PTCHD4: variants seen among roughly 807,000 people sequenced by gnomAD.
PTCHD4 encodes the protein patched domain-containing protein 4.
In PTCHD4, 33 loss-of-function variants were observed where a neutral mutation model predicts 58.1. The ratio of observed to expected loss-of-function variants is 0.57; its 90% CI spans 0.43 to 0.76. The LOEUF is 0.76. Ranked by LOEUF, PTCHD4 falls within the 30% of genes least tolerant of loss-of-function variation. The probability of loss-of-function intolerance (pLI) is 0.00; values close to 1 mark genes in which losing one functional copy is unlikely to be tolerated. For synonymous variants in PTCHD4, 478 were observed against 409.6 expected (o/e 1.17, Z -2.02); for missense variants, 1,058 against 1,027.1 (o/e 1.03, Z -0.41).
rs1005165296 is a variant in PTCHD4, at chr6:48,068,639, C to A, written c.8G>T (p.Arg3Leu). MR[R>L]PGAPASWIWW... is the part of the protein sequence containing the mutation. Reference sequence around the variant, plus strand: ...GATCCAGCTCGCAGGCGCTCCCGGCCGTCTTAAAAAGCACATGTGACATGT... The same window carrying A: ...GATCCAGCTCGCAGGCGCTCCCGGCAGTCTTAAAAAGCACATGTGACATGT... Residue 3 changes from arginine to leucine, a missense_variant and splice_region_variant, in exon 3 of 5, where the codon CGG becomes CTG. Physicochemically the swap from Arg to Leu is moderately radical, Grantham distance 102 (BLOSUM62 -2). Coordinates refer to ENST00000339488, the MANE Select transcript of PTCHD4 (RefSeq NM_001384253.1). The surrounding 1 kb of genome is among the most constrained non-coding windows in gnomAD (Gnocchi z 4.2). 5 of 1,546,620 alleles carry A rather than the reference C, an allele frequency of 3.2e-6. No individual in the cohort carries two copies. Among genetic ancestry groups the A allele is most frequent in the South Asian group, 1.2e-5 (1 of 84,800 alleles).
chr6:48,068,620 G>A lies in PTCHD4; in HGVS notation c.27C>T (p.Ser9=). The change falls in exon 3 of 5, where the codon AGC becomes AGT. Residue 9 remains serine, a synonymous_variant. Coordinates refer to ENST00000339488, the MANE Select transcript of PTCHD4 (RefSeq NM_001384253.1). The surrounding 1 kb of genome is among the most constrained non-coding windows in gnomAD (Gnocchi z 4.2). MRRPGAPA[S]WIWWRMLRQV... ...GCCGCAGCATCCTCCACCAGATCCA[G>A]CTCGCAGGCGCTCCCGGCCGTCTTA... 1 of 1,562,732 alleles carries A rather than the reference G, an allele frequency of 6.4e-7. No individual in the cohort carries two copies. The highest frequency in any genetic ancestry group is 8.6e-7 in the Non-Finnish European group (1 of 1,158,954).
rs190777459 is a variant in PTCHD4, at chr6:48,052,437, A to C, written c.417+15793T>G. On this transcript the variant is annotated intron_variant, in intron 3 of 4. Coordinates refer to ENST00000339488, the MANE Select transcript of PTCHD4 (RefSeq NM_001384253.1). ...TTGTTTTAAAGAGAAATGAGAAAAA[A>C]TTTTCTTCTGGAGAGACATTAAATA... Among the ~76,000 whole-genome samples the C allele has an allele frequency of 7.2e-5, 11 of 152,082 alleles. No individual in the cohort carries two copies. In the East Asian group the frequency reaches 1.4e-3, roughly 19 times the overall value.
intron 4 of PTCHD4, among the ~76,000 whole-genome samples, chr6:47,963,274 A>G (rs1308602363): frequency 6.6e-6 from 1 of 152,124 alleles, no homozygotes; most frequent in Non-Finnish European, 1.5e-5. Flanking sequence ...AAACAAAACC[A>G]CCATGAGATA....
chr6:48,043,381 C>T (rs1273310730), intron 3 of PTCHD4, among the ~76,000 whole-genome samples: 1 of 151,752 alleles, frequency 6.6e-6, no homozygotes, highest in African/African-American at 2.4e-5. Flanking sequence ...AATTATTATT[C>T]ACTCCCTATA....
chr6:48,068,164 T>C lies in PTCHD4; in HGVS notation c.417+66A>G. 6.8e-7 allele frequency: 1 copy of C among 1,473,708 alleles called. No individual in the cohort carries two copies. The highest frequency in any genetic ancestry group is 9.1e-7 in the Non-Finnish European group (1 of 1,096,108). The allele number at this position is 1,473,708 out of a possible 1,614,324, so 91.3% of individuals were successfully genotyped here. A position where few individuals can be genotyped will look rare whatever the true frequency, so the allele number is the denominator to read the frequency against. On this transcript the variant is annotated intron_variant, in intron 3 of 4. Transcript: ENST00000339488. The surrounding 1 kb of genome is among the most constrained non-coding windows in gnomAD (Gnocchi z 4.2). ...CTGAAATAATATCATCCAGCACGCA[T>C]TTCTTATCCTGATTTCTCAACACAC...
intron 4 of PTCHD4, among the ~76,000 whole-genome samples, chr6:48,005,958 G>A (rs1165592070): frequency 6.6e-6 from 1 of 152,092 alleles, no homozygotes; most frequent in African/African-American, 2.4e-5. Flanking sequence ...TATTTCACCA[G>A]TTCTCAATCT....
chr6:47,960,530 G>A (rs115996239), intron 4 of PTCHD4, among the ~76,000 whole-genome samples: 1,606 of 152,016 alleles, frequency 0.011, 19 homozygotes, highest in Non-Finnish European at 0.017. Context: ...TCATGCTGAC[G>A]TGAACCAAAA....
At chr6:47,949,801 C>G (rs1766566868) in intron 4 of PTCHD4, among the ~76,000 whole-genome samples, 1 of 152,040 alleles carries the variant, frequency 6.6e-6, no homozygotes, top group African/African-American at 2.4e-5. Context: ...GTCTTTTATA[C>G]AACCCCAGTT....
At chr6:47,963,564 A>T (rs991524828) in intron 4 of PTCHD4, among the ~76,000 whole-genome samples, 1 of 152,224 alleles carries the variant, frequency 6.6e-6, no homozygotes, top group Non-Finnish European at 1.5e-5. Context: ...TTCACAATAG[A>T]CAAGAGTTGA....
chr6:48,004,882 A>C (rs1490490136), intron 4 of PTCHD4, among the ~76,000 whole-genome samples: 1 of 151,964 alleles, frequency 6.6e-6, no homozygotes, highest in Non-Finnish European at 1.5e-5. Context: ...ATGCTACTGA[A>C]CTCCAGCCTG....
chr6:47,879,708 T>C lies in PTCHD4; in HGVS notation c.1127A>G (p.Tyr376Cys), dbSNP rs1459793434. ...GCCAAAGAAGGAGAAAATGTAGAAG[T>C]AGTTCAACAGAATAGAGACACACAT... ...QNMCVSILLN[Y>C]FYIFSFFGSC... Residue 376 changes from tyrosine to cysteine, a missense_variant, in exon 5 of 5, where the codon TAC (tyrosine) becomes TGC (cysteine). Tyr to Cys is a radical substitution (Grantham distance 194). Transcript: ENST00000339488. The C allele has an allele frequency of 2.5e-6, 4 of 1,613,464 alleles. No individual in the cohort carries two copies. Among genetic ancestry groups the C allele is most frequent in the African/African-American group, 1.3e-5 (1 of 74,870 alleles).
At chr6:47,961,629 G>T (rs1767097445) in intron 4 of PTCHD4, among the ~76,000 whole-genome samples, 1 of 151,798 alleles carries the variant, frequency 6.6e-6, no homozygotes, top group Admixed American at 6.6e-5. Context: ...ATACTATCAG[G>T]GATAGTAATA....
rs927534584 is a variant in PTCHD4 at position 47,874,849 on chromosome 6, T to C, written c.*3454A>G. 2.0e-5 allele frequency among the ~76,000 whole-genome samples: 3 copies of C among 151,820 alleles called. No homozygotes were observed. In the South Asian group the frequency reaches 6.2e-4, roughly 31 times the overall value. On this transcript the variant is annotated 3_prime_UTR_variant, in exon 5 of 5. Transcript: ENST00000339488. The stretch of plus-strand genomic sequence containing the variant: ...CTGGGAAGACATCTAAACATGACTT[T>C]CATTAAAAAGAATTAAGGCTGGTCT...
chr6:47,951,680 A>G (rs1460439214), intron 4 of PTCHD4, among the ~76,000 whole-genome samples: 1 of 152,120 alleles, frequency 6.6e-6, no homozygotes, highest in East Asian at 1.9e-4. Flanking sequence ...CTATACAAAG[A>G]TCCCTTTTTA....
chr6:47,906,054 A>C (rs979418880), intron 4 of PTCHD4, among the ~76,000 whole-genome samples: 5 of 152,238 alleles, frequency 3.3e-5, no homozygotes, highest in African/African-American at 1.2e-4. Context: ...GCCAAGAATA[A>C]GAAATGAAGA....
Position 47,860,442 on chromosome 6 carries a change from A to G in PTCHD4, c.*17861T>C, listed in dbSNP as rs376444467. ...ATTAAGGTAGAACTCAGTGGATAAGACACATGATCTGATTTTGTTTAGTAA... is the reference window on the plus strand; with the variant it reads ...ATTAAGGTAGAACTCAGTGGATAAGGCACATGATCTGATTTTGTTTAGTAA... On this transcript the variant is annotated 3_prime_UTR_variant, in exon 5 of 5. Transcript: ENST00000339488. Among the ~76,000 whole-genome samples, 1 of 152,042 alleles carries G rather than the reference A, an allele frequency of 6.6e-6. No homozygotes were observed. Among genetic ancestry groups the G allele is most frequent in the Non-Finnish European group, 1.5e-5 (1 of 67,952 alleles).
intron 1 of PTCHD4, among the ~76,000 whole-genome samples, chr6:48,096,610 T>TAA (rs386406978): frequency 1.4e-3 from 187 of 134,642 alleles, no homozygotes; most frequent in South Asian, 3.7e-3. Flanking sequence ...AGACTCTGCC[T>TAA]AAAAAAAAAA....
rs111509521 is a variant in PTCHD4 at position 47,951,123 on chromosome 6, G to A, written c.898+57511C>T. On this transcript the variant is annotated intron_variant, in intron 4 of 4. Coordinates refer to ENST00000339488, the MANE Select transcript of PTCHD4 (RefSeq NM_001384253.1). ...AAGTCAAGAGAATTTTTTTTAAATA[G>A]GAGATATTGTGGCATGATCCTCTTT... is the stretch of plus-strand genomic sequence containing the variant. 7.4e-3 allele frequency among the ~76,000 whole-genome samples: 1,132 copies of A among 152,270 alleles called. 12 individuals are homozygous for A. The highest frequency in any genetic ancestry group is 0.026 in the African/African-American group (1,065 of 41,554).
intron 4 of PTCHD4, among the ~76,000 whole-genome samples, chr6:47,927,324 T>A (rs1164925925): frequency 2.6e-5 from 4 of 152,198 alleles, no homozygotes; most frequent in African/African-American, 9.6e-5. Flanking sequence ...GATGAACATG[T>A]TGCCTCAGGT....
Sources: allele counts gnomAD v4.1 joint callset (sites outside exome capture counted in the v4.1 genomes callset), GRCh38; gene constraint gnomAD v4.1.1; non-coding constraint Gnocchi (gnomAD v3.1); transcripts MANE v1.5; gene names NCBI Gene and HGNC (gene_info 2026-07-23, HGNC 2026-07-21).